Variants in LRRK1 observed in about 807,000 individuals in gnomAD.
LRRK1 encodes leucine rich repeat kinase 1.
LRRK1 carries 113 observed loss-of-function variants against 209.1 expected under a neutral mutation model. That is an observed-to-expected ratio of 0.54 (90% CI 0.46 to 0.63). The LOEUF is 0.63. Ranked by LOEUF, LRRK1 falls within the 30% of genes least tolerant of loss-of-function variation. LRRK1 has a pLI of 0.00. For missense variants in LRRK1, 2,284 were observed against 2,632.2 expected (o/e 0.87, Z 2.89); for synonymous variants, 1,144 against 1,099.7 (o/e 1.04, Z -0.80).
intron 20 of LRRK1, among the ~76,000 whole-genome samples, chr15:101,037,356 T>C (rs1463216221): frequency 2.6e-5 from 4 of 152,076 alleles, no homozygotes. Flanking sequence ...TCAGGAGAAG[T>C]GGTCAGGTAC....
Position 101,022,038 on chromosome 15 carries a change from A to G in LRRK1, c.1852+81A>G. The G allele has an allele frequency of 9.8e-7, 1 of 1,015,784 alleles. No homozygotes were observed. The highest frequency in any genetic ancestry group is 1.5e-6 in the Non-Finnish European group (1 of 675,262). The allele number at this position is 1,015,784 out of a possible 1,614,324, so 62.9% of individuals were successfully genotyped here. ...TCCACTTGTTAAGTTCTGGGGGTGGAGACAGTTGGTGACCCATGGAGCCCA... is the reference window on the plus strand; with the variant it reads ...TCCACTTGTTAAGTTCTGGGGGTGGGGACAGTTGGTGACCCATGGAGCCCA... On this transcript the variant is annotated intron_variant, in intron 14 of 33. Coordinates refer to ENST00000388948, the MANE Select transcript of LRRK1 (RefSeq NM_024652.6). The surrounding 1 kb of genome is among the most constrained non-coding windows in gnomAD (Gnocchi z 4.0).
intron 33 of LRRK1, among the ~76,000 whole-genome samples, chr15:101,067,647 T>C (rs773147268): frequency 1.7e-4 from 26 of 152,226 alleles, no homozygotes; most frequent in Non-Finnish European, 3.1e-4. Context: ...CTCCCTTGCC[T>C]GCCAGCTTTG....
In LRRK1 at chr15:101,051,712, C is replaced by A. The variant is rs116807808; in HGVS notation, c.3441C>A (p.Ala1147=). The change falls in exon 24 of 34, where the codon GCC becomes GCA. Residue 1147 remains alanine (A), a splice_region_variant and synonymous_variant. Transcript: ENST00000388948. The part of the protein sequence containing the change: ...VNSLIDQWFP[A]LTATESDGTP... ...GTCTCCTGCTCTGTCCTTATTTAGC[C>A]CTGACAGCCACAGAGAGCGACGGGA... 1.7e-3 allele frequency: 2,682 copies of A among 1,613,496 alleles called. 50 individuals carry two copies. In the African/African-American group the frequency reaches 0.033, roughly 20 times the overall value.
chr15:101,028,025 A>G (rs1042040569), intron 19 of LRRK1, among the ~76,000 whole-genome samples: 3 of 152,166 alleles, frequency 2.0e-5, no homozygotes, highest in African/African-American at 7.2e-5. Flanking sequence ...GGACAGACAT[A>G]CAAGCTGATG....
chr15:100,922,722 C>T (rs2042040534), intron 1 of LRRK1, among the ~76,000 whole-genome samples: 2 of 152,154 alleles, frequency 1.3e-5, no homozygotes. Context: ...TTTCATCATC[C>T]CCTAAATTTT....
At chr15:101,003,555 G>A (rs906392432) in intron 6 of LRRK1, among the ~76,000 whole-genome samples, 2 of 152,208 alleles carry the variant, frequency 1.3e-5, no homozygotes, top group African/African-American at 2.4e-5. Flanking sequence ...TGAAAGACAC[G>A]TCTTACATGG....
intron 6 of LRRK1, among the ~76,000 whole-genome samples, chr15:100,993,901 A>G (rs2032281141): frequency 1.3e-5 from 2 of 152,128 alleles, no homozygotes; most frequent in African/African-American, 2.4e-5. Flanking sequence ...ATTTCTACCT[A>G]TCTGTTCCTT....
chr15:100,988,889 T>C, intron 5 of LRRK1, 76 bp downstream of exon 5: 3 of 1,231,276 alleles, frequency 2.4e-6, no homozygotes, highest in Non-Finnish European at 3.4e-6. Context: ...ACTGTGTCTT[T>C]ATTCTCACTC....
intron 26 of LRRK1, 64 bp downstream of exon 26, chr15:101,053,484 G>A: frequency 7.2e-7 from 1 of 1,396,314 alleles, no homozygotes; most frequent in Non-Finnish European, 9.7e-7. Flanking sequence ...CCTCCTGCCT[G>A]GCACGGGGGG....
At chr15:100,921,201 A>G (rs2042015246) in intron 1 of LRRK1, among the ~76,000 whole-genome samples, 1 of 152,096 alleles carries the variant, frequency 6.6e-6, no homozygotes, top group Non-Finnish European at 1.5e-5. Context: ...GTACAGGGAG[A>G]TACCCCGTGC....
intron 2 of LRRK1, among the ~76,000 whole-genome samples, chr15:100,937,535 A>ATTTT (rs1289794912): frequency 8.7e-6 from 1 of 114,518 alleles, no homozygotes; most frequent in Non-Finnish European, 1.7e-5. Flanking sequence ...TTATTATTTT[A>ATTTT]TTTTATTTAT....
intron 28 of LRRK1, 92 bp from the exon 29 acceptor site, chr15:101,057,898 C>T: frequency 2.9e-6 from 4 of 1,379,486 alleles, no homozygotes; most frequent in Non-Finnish European, 3.0e-6. Context: ...CCTCATTCCT[C>T]CCTGGTTGGG....
At chr15:100,941,458 A>T (rs373127440) in intron 2 of LRRK1, among the ~76,000 whole-genome samples, 4 of 45,810 alleles carry the variant, frequency 8.7e-5, no homozygotes, top group Admixed American at 2.6e-4. Flanking sequence ...GTGTGTGTCT[A>T]TGTCTCTGTG....
intron 20 of LRRK1, among the ~76,000 whole-genome samples, chr15:101,035,754 A>G (rs149062279): frequency 9.2e-4 from 139 of 151,858 alleles, no homozygotes; most frequent in African/African-American, 3.1e-3. Flanking sequence ...ACTGCTTATC[A>G]TTGTGGTTTG....
chr15:100,978,952 G>A lies in LRRK1; in HGVS notation c.262-4576G>A, dbSNP rs113107308. ...GACAGTGTTAAAAAAAGAAAAGTACGGACCAATGCCCATTATGAATGTGGA... is the reference window on the plus strand; with the variant it reads ...GACAGTGTTAAAAAAAGAAAAGTACAGACCAATGCCCATTATGAATGTGGA... On this transcript the variant is annotated intron_variant, in intron 3 of 33. Coordinates refer to ENST00000388948, the MANE Select transcript of LRRK1 (RefSeq NM_024652.6). 5.0e-3 allele frequency among the ~76,000 whole-genome samples: 762 copies of A among 152,086 alleles called. 12 individuals carry two copies. The highest frequency in any genetic ancestry group is 0.017 in the Middle Eastern group (5 of 294).
chr15:100,982,826 T>C (rs138242664), intron 3 of LRRK1, among the ~76,000 whole-genome samples: 179 of 152,352 alleles, frequency 1.2e-3, no homozygotes, highest in Admixed American at 2.0e-3. Flanking sequence ...ACCGTCCCCT[T>C]CCTCATGAAG....
At position 101,027,348 on chromosome 15, in the gene LRRK1, C is replaced by T. The variant is rs1399555444; in HGVS notation, c.2493C>T (p.Ser831=). Residue 831 remains serine (S), a synonymous_variant, in exon 18 of 34, where the codon AGC becomes AGT. Coordinates refer to ENST00000388948, the MANE Select transcript of LRRK1 (RefSeq NM_024652.6). This position sits in a 1 kb window ranked among gnomAD's most constrained non-coding sequence, Gnocchi z 5.1. Reference sequence around the variant, plus strand: ...CGTGCAGCATGAAGGACGTGGGCAGCACCATCGGCTGCCAGCGACTGGCAG... The same window carrying T: ...CGTGCAGCATGAAGGACGTGGGCAGTACCATCGGCTGCCAGCGACTGGCAG... ...HVTCSMKDVG[S]TIGCQRLAGR... 10 of 1,613,980 alleles carry T rather than the reference C, an allele frequency of 6.2e-6. No homozygotes were observed. The highest frequency in any genetic ancestry group is 7.6e-6 in the Non-Finnish European group (9 of 1,180,024).
At chr15:101,057,122 G>A (rs1596338451) in intron 28 of LRRK1, 72 bp downstream of exon 28, 5 of 1,386,650 alleles carry the variant, frequency 3.6e-6, no homozygotes, top group Non-Finnish European at 4.9e-6. Context: ...CCCAGGGGGT[G>A]TGTGCCTGGC....
chr15:100,999,804 C>A (rs776519949), intron 6 of LRRK1, among the ~76,000 whole-genome samples: 2 of 152,210 alleles, frequency 1.3e-5, no homozygotes, highest in African/African-American at 2.4e-5. Flanking sequence ...GACATTTCTA[C>A]TTCCAGATTG....
Sources: gnomAD v4.1 joint callset for allele counts (sites outside exome capture counted in the v4.1 genomes callset) on GRCh38, gnomAD v4.1.1 for gene constraint, Gnocchi (gnomAD v3.1) non-coding constraint, MANE v1.5 for transcripts, NCBI Gene and HGNC (gene_info 2026-07-23, HGNC 2026-07-21) for gene names.